Variants in CTIF observed in about 807,000 individuals in gnomAD.
CTIF encodes the protein CBP80/20-dependent translation initiation factor.
CTIF carries 21 observed loss-of-function variants against 66.0 expected under a neutral mutation model. The ratio of observed to expected loss-of-function variants is 0.32; its 90% CI spans 0.23 to 0.46. The LOEUF (loss-of-function observed/expected upper bound fraction) is 0.46. CTIF is among the 20% of genes least tolerant of loss of function. The probability of loss-of-function intolerance (pLI) is 1.00; values close to 1 mark genes in which losing one functional copy is unlikely to be tolerated. For synonymous variants in CTIF, 345 were observed against 326.4 expected (o/e 1.06, Z -0.62); for missense variants, 739 against 812.7 (o/e 0.91, Z 1.10).
chr18:48,712,046 A>T (rs1031521796), intron 7 of CTIF, among the ~76,000 whole-genome samples: 5 of 152,038 alleles, frequency 3.3e-5, no homozygotes, highest in African/African-American at 1.2e-4. Flanking sequence ...AGAAAATAGG[A>T]CTGGCTGGCT....
rs1910585389 is a variant in CTIF, at chr18:48,775,487, G to T, written c.1371+13798G>T. ...CCCGGCACAGTAGGACTTGAGGTTTGGGTGCAGCACTGTAGACAGCCCAGG... is the reference window on the plus strand; with the variant it reads ...CCCGGCACAGTAGGACTTGAGGTTTTGGTGCAGCACTGTAGACAGCCCAGG... On this transcript the variant is annotated intron_variant, in intron 9 of 11. Transcript: ENST00000256413. 4.6e-5 allele frequency among the ~76,000 whole-genome samples: 7 copies of T among 152,382 alleles called. No individual in the cohort carries two copies. In the South Asian group the frequency reaches 1.4e-3, roughly 32 times the overall value.
At chr18:48,610,022 A>C (rs1463401163) in intron 1 of CTIF, among the ~76,000 whole-genome samples, 1 of 151,850 alleles carries the variant, frequency 6.6e-6, no homozygotes, top group Non-Finnish European at 1.5e-5. Flanking sequence ...GAGGAGGCCC[A>C]CTCTGAGGGA....
intron 6 of CTIF, among the ~76,000 whole-genome samples, chr18:48,698,674 C>T (rs371666236): frequency 1.2e-4 from 18 of 152,302 alleles, no homozygotes; most frequent in Non-Finnish European, 8.8e-5. Context: ...GAATCTTTCC[C>T]GATCTTTTCA....
intron 6 of CTIF, among the ~76,000 whole-genome samples, chr18:48,684,842 T>G (rs964202384): frequency 6.6e-6 from 1 of 152,226 alleles, no homozygotes; most frequent in Non-Finnish European, 1.5e-5. Flanking sequence ...ACTTTACACC[T>G]AGATACTTCA....
chr18:48,815,670 C>T (rs1292793388), intron 9 of CTIF, among the ~76,000 whole-genome samples: 1 of 152,190 alleles, frequency 6.6e-6, no homozygotes, highest in African/African-American at 2.4e-5. Context: ...AGACCAAGGC[C>T]CACCCTCTAG....
intron 9 of CTIF, among the ~76,000 whole-genome samples, chr18:48,781,033 C>G (rs1911160048): frequency 6.6e-6 from 1 of 152,234 alleles, no homozygotes; most frequent in Admixed American, 6.5e-5. Flanking sequence ...GAAGACCCCC[C>G]CATCCCTGCC....
chr18:48,626,882 C>T (rs1282620229), intron 2 of CTIF, among the ~76,000 whole-genome samples: 1 of 151,630 alleles, frequency 6.6e-6, no homozygotes, highest in East Asian at 1.9e-4. Context: ...GTCTTGAACT[C>T]CTGACCTCAG....
chr18:48,549,971 G>A (rs2088844339), intron 1 of CTIF, among the ~76,000 whole-genome samples: 1 of 152,134 alleles, frequency 6.6e-6, no homozygotes. Flanking sequence ...ATATTGTTGA[G>A]GTTTTTGTTT....
chr18:48,832,733 G>C (rs2068720310), intron 10 of CTIF, among the ~76,000 whole-genome samples: 1 of 152,222 alleles, frequency 6.6e-6, no homozygotes, highest in Admixed American at 6.5e-5. Flanking sequence ...AGTATTTGCT[G>C]AATCTGGTTT....
intron 6 of CTIF, among the ~76,000 whole-genome samples, chr18:48,691,957 C>T (rs964789509): frequency 5.3e-5 from 8 of 152,178 alleles, no homozygotes; most frequent in East Asian, 1.9e-4. Flanking sequence ...TTTCGGCTCA[C>T]GGCAACGTCT....
At chr18:48,668,936 A>C (rs1443755353) in intron 5 of CTIF, among the ~76,000 whole-genome samples, 3 of 151,952 alleles carry the variant, frequency 2.0e-5, no homozygotes, top group Non-Finnish European at 4.4e-5. Context: ...AGCCGGGCAC[A>C]GAAGTGTTTG....
chr18:48,567,644 A>G (rs1477944770), intron 1 of CTIF: 1 of 152,246 alleles, frequency 6.6e-6, no homozygotes, highest in Non-Finnish European at 1.5e-5. Context: ...TTCCTGGAGG[A>G]GGTGTCTCCA....
chr18:48,571,267 C>T (rs528881321), intron 1 of CTIF, among the ~76,000 whole-genome samples: 1 of 152,236 alleles, frequency 6.6e-6, no homozygotes, highest in Non-Finnish European at 1.5e-5. Context: ...AGCAATTCTC[C>T]TGCCTCAGCC....
intron 5 of CTIF, among the ~76,000 whole-genome samples, chr18:48,665,114 C>T (rs2091415925): frequency 6.6e-6 from 1 of 151,608 alleles, no homozygotes; most frequent in South Asian, 2.1e-4. Context: ...CGGGGTTTCA[C>T]CTTGTTAGCC....
chr18:48,858,276 A>G (rs931886493), intron 11 of CTIF, among the ~76,000 whole-genome samples: 3 of 152,240 alleles, frequency 2.0e-5, no homozygotes, highest in African/African-American at 7.2e-5. Context: ...CCTGGCTGCA[A>G]AGGCCTCACT....
chr18:48,633,932 C>G (rs982525100), intron 2 of CTIF, among the ~76,000 whole-genome samples: 1 of 152,158 alleles, frequency 6.6e-6, no homozygotes, highest in South Asian at 2.1e-4. Context: ...TTATCAGAAG[C>G]AGGAAATTAA....
At chr18:48,559,839 C>A (rs1219600165) in intron 1 of CTIF, among the ~76,000 whole-genome samples, 2 of 152,070 alleles carry the variant, frequency 1.3e-5, no homozygotes, top group African/African-American at 4.8e-5. Context: ...CAAAAAACGA[C>A]CTGTTGGGTA....
At chr18:48,582,259 G>A (rs1181197147) in intron 1 of CTIF, among the ~76,000 whole-genome samples, 1 of 152,070 alleles carries the variant, frequency 6.6e-6, no homozygotes, top group Non-Finnish European at 1.5e-5. Context: ...CAGGGGGCAG[G>A]AGGCATGAGA....
intron 3 of CTIF, among the ~76,000 whole-genome samples, chr18:48,641,404 T>G (rs1598789007): frequency 6.6e-6 from 1 of 152,328 alleles, no homozygotes; most frequent in African/African-American, 2.4e-5. Flanking sequence ...TTAAGCAAGG[T>G]GATGAAATCT....
Sources: gnomAD v4.1 joint callset for allele counts (sites outside exome capture counted in the v4.1 genomes callset) on GRCh38, gnomAD v4.1.1 for gene constraint, MANE v1.5 for transcripts, NCBI Gene and HGNC (gene_info 2026-07-23, HGNC 2026-07-21) for gene names.